ATF7IP: variants seen among roughly 807,000 people sequenced by gnomAD.
The protein encoded by ATF7IP is activating transcription factor 7-interacting protein 1.
In ATF7IP, 23 loss-of-function variants were observed where a neutral mutation model predicts 106.4. That is an observed-to-expected ratio of 0.22 (90% CI 0.16 to 0.31). The LOEUF (loss-of-function observed/expected upper bound fraction) is 0.31. Among genes scored for constraint, ATF7IP ranks in the 10% least tolerant of loss-of-function variants. The pLI is 1.00. For synonymous variants in ATF7IP, 542 were observed against 539.0 expected (o/e 1.01, Z -0.08); for missense variants, 1,334 against 1,524.3 (o/e 0.88, Z 2.08).
chr12:14,425,002 C>T lies in ATF7IP; in HGVS notation c.1087C>T (p.Arg363Ter). The change falls in exon 2 of 15, where the codon CGA becomes TGA. Residue 363 changes from arginine to a stop codon, truncating the protein, a stop_gained. Transcript: ENST00000261168. LOFTEE classifies it high-confidence loss of function. ...ETDDTTICSD[R>*]PPENEKKVEE... ...AGATGATACAACTATTTGTTCAGAT[C>T]GACCTCCTGAAAATGAAAAGAAGGT... 1 of 1,611,218 alleles carries T rather than the reference C, an allele frequency of 6.2e-7. No homozygotes were observed. The highest frequency in any genetic ancestry group is 1.3e-5 in the African/African-American group (1 of 74,780).
intron 1 of ATF7IP, among the ~76,000 whole-genome samples, chr12:14,409,361 C>T (rs1446670320): frequency 6.6e-6 from 1 of 151,668 alleles, no homozygotes; most frequent in African/African-American, 2.4e-5. Flanking sequence ...AAACATTTAT[C>T]ATCATTAATT....
chr12:14,419,538 A>G (rs569678873), intron 1 of ATF7IP, among the ~76,000 whole-genome samples: 1 of 152,324 alleles, frequency 6.6e-6, no homozygotes, highest in Admixed American at 6.5e-5. Context: ...TTAAAGGGTA[A>G]CTATACTACT....
chr12:14,380,125 A>G (rs1188511828), intron 1 of ATF7IP, among the ~76,000 whole-genome samples: 1 of 151,188 alleles, frequency 6.6e-6, no homozygotes, highest in Non-Finnish European at 1.5e-5. Context: ...TGAGTTTTTC[A>G]TTTTTTTCTA....
rs143098579 is a variant in ATF7IP at position 14,444,388 on chromosome 12, T to C, written c.1930-2600T>C. Among the ~76,000 whole-genome samples, 690 of 152,266 alleles carry C rather than the reference T, an allele frequency of 4.5e-3. 2 individuals carry two copies. The highest frequency in any genetic ancestry group is 0.016 in the African/African-American group (662 of 41,566). On this transcript the variant is annotated intron_variant, in intron 5 of 14. Transcript: ENST00000261168. Reference sequence around the variant, plus strand: ...TTGATGTTAAGGAAACCTCTTTTTTTTTGTAGACAGAGTTATTTCCTAAGA... The same window carrying C: ...TTGATGTTAAGGAAACCTCTTTTTTCTTGTAGACAGAGTTATTTCCTAAGA...
At chr12:14,379,772 C>T (rs1272987620) in intron 1 of ATF7IP, among the ~76,000 whole-genome samples, 1 of 152,178 alleles carries the variant, frequency 6.6e-6, no homozygotes, top group Non-Finnish European at 1.5e-5. Flanking sequence ...ATTATCACCA[C>T]TGAGAAATCT....
intron 1 of ATF7IP, among the ~76,000 whole-genome samples, chr12:14,378,100 C>CTT (rs59879512): frequency 0.051 from 7,081 of 137,760 alleles, 246 homozygotes; most frequent in African/African-American, 0.088. Flanking sequence ...TTTTCTTTTT[C>CTT]TTTTTTTTTT....
At chr12:14,412,518 T>C (rs901830492) in intron 1 of ATF7IP, among the ~76,000 whole-genome samples, 1 of 152,304 alleles carries the variant, frequency 6.6e-6, no homozygotes. Flanking sequence ...ATTTTTGATA[T>C]TACTCTAAAT....
intron 8 of ATF7IP, 22 bp downstream of exon 8, chr12:14,457,317 A>T (rs188384995): frequency 2.7e-4 from 413 of 1,505,394 alleles, no homozygotes; most frequent in Non-Finnish European, 3.6e-4. Context: ...TTTAAATACC[A>T]AAATACATTT....
chr12:14,393,743 TA>T (rs2136441650), intron 1 of ATF7IP, among the ~76,000 whole-genome samples: 1 of 152,326 alleles, frequency 6.6e-6, no homozygotes, highest in South Asian at 2.1e-4. Flanking sequence ...GATGCGGGAC[TA>T]AACTAGTTTC....
In ATF7IP at chr12:14,460,818, C is replaced by G. The variant is rs557791717; in HGVS notation, c.2482C>G (p.Leu828Val). 1 of 1,614,198 alleles carries G rather than the reference C, an allele frequency of 6.2e-7. No individual in the cohort carries two copies. The highest frequency in any genetic ancestry group is 1.7e-5 in the Admixed American group (1 of 60,012). ...GCAAAGCCCACCTACAGTGAGTGGTCTTACCAAAAATCCAGTATCCTTGCC... is the reference window on the plus strand; with the variant it reads ...GCAAAGCCCACCTACAGTGAGTGGTGTTACCAAAAATCCAGTATCCTTGCC... ...SVQSPPTVSGLTKNPVSLPSL... is the reference protein window; with the variant it reads ...SVQSPPTVSGVTKNPVSLPSL... The change falls in exon 9 of 15, where the codon CTT (leucine) becomes GTT (valine). Residue 828 changes from leucine to valine, a missense_variant. Physicochemically the swap from Leu to Val is conservative, Grantham distance 32 (BLOSUM62 1). Around this residue, in one of 10 missense-constraint regions of ATF7IP, gnomAD observed 370 missense variants for 401.2 expected, o/e 0.92. Transcript: ENST00000261168.
Position 14,497,635 on chromosome 12 carries a change from G to C in ATF7IP, c.3394-19G>C. 6.2e-7 allele frequency: 1 copy of C among 1,604,486 alleles called. No homozygotes were observed. The highest frequency in any genetic ancestry group is 8.5e-7 in the Non-Finnish European group (1 of 1,174,370). On this transcript the variant is annotated intron_variant, in intron 14 of 14. Transcript: ENST00000261168. ...TTCTTTTTGCAATCATCATTAATCA[G>C]TGTGACCTGTTTCTTCAGGAGCCCC...
intron 10 of ATF7IP, among the ~76,000 whole-genome samples, chr12:14,469,819 G>T (rs1943973502): frequency 6.6e-6 from 1 of 152,196 alleles, no homozygotes; most frequent in Non-Finnish European, 1.5e-5. Context: ...ATCAGGCAAA[G>T]ACTTCCAAGT....
chr12:14,391,306 C>T (rs1939533740), intron 1 of ATF7IP, among the ~76,000 whole-genome samples: 1 of 152,200 alleles, frequency 6.6e-6, no homozygotes, highest in East Asian at 1.9e-4. Context: ...GGAGTTGCTT[C>T]TGCATCTGCC....
At chr12:14,467,606 CATTT>C (rs1167957131) in intron 10 of ATF7IP, among the ~76,000 whole-genome samples, 2 of 151,092 alleles carry the variant, frequency 1.3e-5, no homozygotes, top group African/African-American at 4.9e-5. Flanking sequence ...ACTTAAGTGA[CATTT>C]ATAGGAAGTC....
chr12:14,484,487 G>A (rs1216137000), intron 13 of ATF7IP, among the ~76,000 whole-genome samples: 2 of 152,212 alleles, frequency 1.3e-5, no homozygotes, highest in African/African-American at 4.8e-5. Context: ...CAAGCAAAGT[G>A]CACAACTAGG....
chr12:14,485,186 G>C (rs776816206), intron 13 of ATF7IP, among the ~76,000 whole-genome samples: 13 of 152,054 alleles, frequency 8.5e-5, no homozygotes, highest in Non-Finnish European at 1.3e-4. Flanking sequence ...ACCTGTTGCA[G>C]AGCCTTCTCC....
intron 6 of ATF7IP, among the ~76,000 whole-genome samples, chr12:14,453,629 CTT>C (rs35691070): frequency 1.4e-5 from 2 of 145,904 alleles, no homozygotes; most frequent in Admixed American, 6.9e-5. Context: ...AATTGAGTAT[CTT>C]TTTTTTTTTT....
intron 9 of ATF7IP, 44 bp downstream of exon 9, chr12:14,461,177 A>G: frequency 6.4e-7 from 1 of 1,563,040 alleles, no homozygotes. Context: ...CAAGCATCTT[A>G]ATAGCCTTGT....
Position 14,475,939 on chromosome 12 carries a change from T to C in ATF7IP, c.2912T>C (p.Met971Thr), listed in dbSNP as rs771389840. The C allele has an allele frequency of 1.2e-6, 2 of 1,613,886 alleles. No individual in the cohort carries two copies. The highest frequency in any genetic ancestry group is 4.5e-5 in the East Asian group (2 of 44,824). ...SDSSGVIDLT[M>T]DDEESGASQD... ...TCAAGTGGTGTCATTGATCTCACAA[T>C]GGATGATGAAGAGAGTGGAGCTTCA... Residue 971 changes from methionine (M) to threonine (T), a missense_variant, in exon 11 of 15, where the codon ATG (methionine) becomes ACG (threonine). Around this residue, in one of 10 missense-constraint regions of ATF7IP, gnomAD observed 370 missense variants for 401.2 expected, o/e 0.92. Transcript: ENST00000261168.
Sources: gnomAD v4.1 joint callset for allele counts (sites outside exome capture counted in the v4.1 genomes callset) on GRCh38, gnomAD v4.1.1 for gene constraint, gnomAD v4.1.1 regional missense constraint, MANE v1.5 for transcripts, NCBI Gene and HGNC (gene_info 2026-07-23, HGNC 2026-07-21) for gene names.